Variants in COG3 observed in about 807,000 individuals in gnomAD.
The protein encoded by COG3 is component of oligomeric golgi complex 3.
COG3 carries 32 observed loss-of-function variants against 114.1 expected under a neutral mutation model. The observed-to-expected ratio is 0.28, with a 90% CI of 0.21 to 0.38. COG3 has a LOEUF of 0.38. COG3 is among the 10% of genes least tolerant of loss of function. COG3 has a pLI of 1.00. For synonymous variants in COG3, 352 were observed against 365.7 expected (o/e 0.96, Z 0.43); for missense variants, 813 against 973.2 (o/e 0.84, Z 2.19).
intron 19 of COG3, among the ~76,000 whole-genome samples, chr13:45,522,919 G>A (rs547980506): frequency 1.2e-4 from 18 of 152,314 alleles, no homozygotes; most frequent in African/African-American, 4.1e-4. Context: ...TTTGTGTCAA[G>A]GCAGCTGAGC....
At chr13:45,529,058 C>G (rs531865170) in intron 20 of COG3, among the ~76,000 whole-genome samples, 1 of 152,286 alleles carries the variant, frequency 6.6e-6, no homozygotes, top group East Asian at 1.9e-4. Flanking sequence ...ATGGATATCA[C>G]AATCTTAGTA....
Position 45,483,333 on chromosome 13 carries a change from T to C in COG3, c.821T>C (p.Leu274Pro). 6.3e-7 allele frequency: 1 copy of C among 1,586,326 alleles called. No homozygotes were observed. Among genetic ancestry groups the C allele is most frequent in the Non-Finnish European group, 8.6e-7 (1 of 1,167,444 alleles). Residue 274 changes from leucine (L) to proline (P), a missense_variant, in exon 7 of 23, where the codon CTC (leucine) becomes CCC (proline). By Grantham distance (98) the Leu-to-Pro change is moderately conservative. This residue lies in a region of COG3 where 424 missense variants were observed against 430.6 expected (regional missense o/e 0.98). Transcript: ENST00000349995. ...KTYTVNTLQT[L>P]TSQLLKRDPS... ...TATACTGTGAACACACTACAGACCC[T>C]CACAAGTCAGTTACTGAAAAGGGTG...
In COG3 at chr13:45,530,679, A is replaced by G. The variant is rs886605819; in HGVS notation, c.2359-3A>G. ...GATAAGATCTCCTCTCCTCCTTTCTAAGAATAATATTCAGCAAGTCTTCCA... is the reference window on the plus strand; with the variant it reads ...GATAAGATCTCCTCTCCTCCTTTCTGAGAATAATATTCAGCAAGTCTTCCA... On this transcript the variant is annotated splice_polypyrimidine_tract_variant and splice_region_variant and intron_variant, in intron 21 of 22. Coordinates refer to ENST00000349995, the MANE Select transcript of COG3 (RefSeq NM_031431.4). 3 of 1,570,796 alleles carry G rather than the reference A, an allele frequency of 1.9e-6. No homozygotes were observed. Among genetic ancestry groups the G allele is most frequent in the Non-Finnish European group, 2.6e-6 (3 of 1,140,884 alleles).
intron 13 of COG3, among the ~76,000 whole-genome samples, chr13:45,501,206 T>C (rs1448433442): frequency 6.6e-6 from 1 of 152,084 alleles, no homozygotes; most frequent in Non-Finnish European, 1.5e-5. Context: ...GCTCAAGGAG[T>C]GGGTTGTGCT....
At chr13:45,466,509 A>C (rs1340420707) in intron 1 of COG3, 16 of 151,990 alleles carry the variant, frequency 1.1e-4, no homozygotes, top group Admixed American at 1.0e-3. Context: ...TTCTTTTTCC[A>C]CCTCTAGGAT....
At chr13:45,513,477 A>G (rs1871181771) in intron 16 of COG3, among the ~76,000 whole-genome samples, 1 of 38,138 alleles carries the variant, frequency 2.6e-5, no homozygotes. Flanking sequence ...TATAAATTAT[A>G]TATATAATAT....
chr13:45,501,674 G>A (rs1321320454), intron 13 of COG3, among the ~76,000 whole-genome samples: 1 of 152,154 alleles, frequency 6.6e-6, no homozygotes, highest in Non-Finnish European at 1.5e-5. Context: ...TGTGCTCGTT[G>A]CTACAGGGGT....
intron 14 of COG3, among the ~76,000 whole-genome samples, chr13:45,509,274 A>G (rs888577402): frequency 4.6e-5 from 7 of 152,140 alleles, no homozygotes; most frequent in Admixed American, 6.5e-5. Flanking sequence ...TCCTGACCTC[A>G]TGATCCGCCT....
chr13:45,491,607 A>T, intron 10 of COG3, 69 bp downstream of exon 10: 1 of 1,421,990 alleles, frequency 7.0e-7, no homozygotes, highest in East Asian at 2.4e-5. Flanking sequence ...CCTAGAAACT[A>T]TACCTGGTTA....
intron 16 of COG3, 96 bp from the exon 17 acceptor site, chr13:45,516,047 C>A: frequency 1.1e-6 from 1 of 872,230 alleles, no homozygotes; most frequent in Non-Finnish European, 1.6e-6. Flanking sequence ...AGGCTGTAAA[C>A]CTAGGTAGAT....
chr13:45,478,304 G>A (rs902544255), intron 2 of COG3, among the ~76,000 whole-genome samples: 76 of 150,500 alleles, frequency 5.0e-4, no homozygotes, highest in African/African-American at 1.8e-3. Context: ...CCATTCTCCC[G>A]CCTCAGCCTC....
Position 45,493,409 on chromosome 13 carries a change from T to C in COG3, c.1250T>C (p.Val417Ala), listed in dbSNP as rs780082721. ...YDVFRPLIIH[V>A]IHLETLSELC... is the part of the protein sequence containing the mutation. ...GTCTTCAGGCCATTGATCATTCATG[T>C]TATTCACTTAGAGACTCTGTCGGAA... The change falls in exon 12 of 23, where the codon GTT (valine) becomes GCT (alanine). Residue 417 changes from valine to alanine, a missense_variant. Coordinates refer to ENST00000349995, the MANE Select transcript of COG3 (RefSeq NM_031431.4). 10 of 1,613,308 alleles carry C rather than the reference T, an allele frequency of 6.2e-6. No homozygotes were observed. The highest frequency in any genetic ancestry group is 1.3e-5 in the African/African-American group (1 of 75,032).
chr13:45,474,674 A>G (rs1885747595), intron 1 of COG3, among the ~76,000 whole-genome samples: 1 of 152,136 alleles, frequency 6.6e-6, no homozygotes, highest in African/African-American at 2.4e-5. Context: ...AAAAAACTCT[A>G]TTTTTAAAGG....
In COG3 at chr13:45,491,531, G is replaced by T. The variant is rs1887017781; in HGVS notation, c.1088G>T (p.Cys363Phe). The change falls in exon 10 of 23, where the codon TGT becomes TTT. Residue 363 changes from cysteine (C) to phenylalanine (F), a missense_variant. Physicochemically the swap from Cys to Phe is radical, Grantham distance 205. Transcript: ENST00000349995. ...ELTSQNNRDHCALVRSGCAFM... is the reference protein window; with the variant it reads ...ELTSQNNRDHFALVRSGCAFM... ...ACCAGCCAAAATAATAGAGATCACT[G>T]TGCCTTGGTAAGTTTCTACTTGTTT... The T allele has an allele frequency of 6.2e-7, 1 of 1,610,734 alleles. No individual in the cohort carries two copies. Among genetic ancestry groups the T allele is most frequent in the Non-Finnish European group, 8.5e-7 (1 of 1,178,846 alleles).
chr13:45,507,674 A>T (rs893489972), intron 14 of COG3, among the ~76,000 whole-genome samples: 5 of 151,622 alleles, frequency 3.3e-5, no homozygotes, highest in African/African-American at 1.2e-4. Context: ...CTGAGGCACA[A>T]GAATTGCTTG....
At chr13:45,485,980 T>G in intron 7 of COG3, among the ~76,000 whole-genome samples, 1 of 55,674 alleles carries the variant, frequency 1.8e-5, no homozygotes, top group South Asian at 6.4e-4. Context: ...GTGTAGGTTG[T>G]AGTGAGCCGA....
intron 20 of COG3, among the ~76,000 whole-genome samples, chr13:45,527,677 C>T (rs755246105): frequency 2.7e-4 from 41 of 152,194 alleles, no homozygotes; most frequent in Non-Finnish European, 4.6e-4. Flanking sequence ...TTTACTCTGA[C>T]GAAGAAACCT....
intron 22 of COG3, 128 bp from the exon 23 acceptor site, chr13:45,534,574 G>A (rs760531684): frequency 2.0e-5 from 10 of 512,690 alleles, no homozygotes; most frequent in East Asian, 3.4e-5. Context: ...ATACATGCAG[G>A]TTTGTTACCT....
chr13:45,466,866 A>G lies in COG3; in HGVS notation c.174+1656A>G, dbSNP rs529107180. Among the ~76,000 whole-genome samples the G allele has an allele frequency of 3.3e-5, 5 of 152,362 alleles. No individual in the cohort carries two copies. In the South Asian group the frequency reaches 8.3e-4, roughly 25 times the overall value. ...TCCATATTTATCATTAGCCACATGC[A>G]GTCTTTAACATATGTTATGTCCCTA... On this transcript the variant is annotated intron_variant, in intron 1 of 22. Transcript: ENST00000349995.
Sources: allele counts gnomAD v4.1 joint callset (sites outside exome capture counted in the v4.1 genomes callset), GRCh38; gene constraint gnomAD v4.1.1; regional missense constraint gnomAD v4.1.1; transcripts MANE v1.5; gene names NCBI Gene and HGNC (gene_info 2026-07-23, HGNC 2026-07-21).